Variants in TENM2 observed in about 807,000 individuals in gnomAD.
TENM2 encodes teneurin-2.
A neutral mutation model predicts 245.2 loss-of-function variants in TENM2; 52 were observed. The observed-to-expected ratio is 0.21, with a 90% CI of 0.17 to 0.27. TENM2 has a LOEUF of 0.27. TENM2 is among the 10% of genes least tolerant of loss of function. TENM2 has a pLI of 1.00. For missense variants in TENM2, 3,046 were observed against 3,666.8 expected (o/e 0.83, Z 4.37); for synonymous variants, 1,363 against 1,438.9 (o/e 0.95, Z 1.19).
intron 2 of TENM2, among the ~76,000 whole-genome samples, chr5:167,751,953 TACACAC>T (rs111301552): frequency 4.0e-5 from 6 of 149,668 alleles, no homozygotes; most frequent in South Asian, 2.1e-4. Flanking sequence ...GTGAAAATAA[TACACAC>T]ACACACACAC....
chr5:167,634,174 G>A (rs1582604631), intron 2 of TENM2, among the ~76,000 whole-genome samples: 1 of 152,284 alleles, frequency 6.6e-6, no homozygotes, highest in East Asian at 1.9e-4. Context: ...CATGGCTTTT[G>A]TTTCTGTTTT....
intron 2 of TENM2, among the ~76,000 whole-genome samples, chr5:167,767,978 T>C (rs996893501): frequency 3.9e-5 from 6 of 152,224 alleles, no homozygotes; most frequent in Non-Finnish European, 8.8e-5. Context: ...TGAACTGTCA[T>C]ACAGCAGTCA....
intron 2 of TENM2, among the ~76,000 whole-genome samples, chr5:167,427,650 G>A (rs1475644729): frequency 9.8e-4 from 63 of 64,400 alleles, no homozygotes; most frequent in African/African-American, 1.7e-3. Flanking sequence ...AGGGAAGGAA[G>A]GGACGGGAGG....
chr5:167,060,033 A>G, the TENM2 span, among the ~76,000 whole-genome samples: 2 of 152,194 alleles, frequency 1.3e-5, no homozygotes, highest in African/African-American at 4.8e-5. Flanking sequence ...TAGAATTTCA[A>G]CTTAGAACTT....
chr5:168,196,813 G>A (rs145430417), intron 15 of TENM2, among the ~76,000 whole-genome samples: 2 of 152,324 alleles, frequency 1.3e-5, no homozygotes, highest in African/African-American at 4.8e-5. Flanking sequence ...GAAGTCCCAT[G>A]AAACAACAGA....
Position 168,218,772 on chromosome 5 carries a change from A to G in TENM2, c.4881A>G (p.Glu1627=), listed in dbSNP as rs745306625. Residue 1627 remains glutamate, a synonymous_variant, in exon 23 of 29, where the codon GAA becomes GAG. Coordinates refer to ENST00000518659, the Ensembl canonical transcript of TENM2. This position sits in a 1 kb window ranked among gnomAD's most constrained non-coding sequence, Gnocchi z 5.2. ...ATAGTACTGACAATGATGTCACTGA[A>G]TTGATTGACAATAATGGGAATTCCC... 1 of 1,614,008 alleles carries G rather than the reference A, an allele frequency of 6.2e-7. No individual in the cohort carries two copies. Among genetic ancestry groups the G allele is most frequent in the East Asian group, 2.2e-5 (1 of 44,886 alleles).
chr5:168,195,668 C>G (rs1156895202), intron 15 of TENM2, among the ~76,000 whole-genome samples: 2 of 148,336 alleles, frequency 1.3e-5, no homozygotes, highest in African/African-American at 5.0e-5. Flanking sequence ...AAACGAACTC[C>G]TGTTTTAAAT....
chr5:167,246,918 C>G, the TENM2 span, among the ~76,000 whole-genome samples: 1 of 152,044 alleles, frequency 6.6e-6, no homozygotes, highest in Non-Finnish European at 1.5e-5. Flanking sequence ...CCCGTCTATT[C>G]ATCACCTCAT....
At chr5:168,143,160 A>G (rs969691173) in intron 12 of TENM2, among the ~76,000 whole-genome samples, 8 of 152,120 alleles carry the variant, frequency 5.3e-5, no homozygotes, top group African/African-American at 1.4e-4. Flanking sequence ...TCAGGCTTGA[A>G]CAAGGGATTT....
At chr5:168,160,342 G>A (rs1221814869) in intron 12 of TENM2, among the ~76,000 whole-genome samples, 1 of 152,196 alleles carries the variant, frequency 6.6e-6, no homozygotes, top group African/African-American at 2.4e-5. Flanking sequence ...GGTTTTCCAG[G>A]CAGGACCACA....
chr5:167,868,678 A>G (rs1177224862), intron 2 of TENM2, among the ~76,000 whole-genome samples: 2 of 149,364 alleles, frequency 1.3e-5, no homozygotes, highest in African/African-American at 4.9e-5. Flanking sequence ...CAGAGGTTGC[A>G]GTAGCCAAGA....
intron 7 of TENM2, among the ~76,000 whole-genome samples, chr5:168,065,363 G>A (rs1790404151): frequency 6.6e-6 from 1 of 152,154 alleles, no homozygotes; most frequent in East Asian, 1.9e-4. Flanking sequence ...TGTCCAGAAT[G>A]TAGACTCTGC....
intron 2 of TENM2, among the ~76,000 whole-genome samples, chr5:167,640,872 TATA>T: frequency 2.1e-5 from 1 of 47,174 alleles, no homozygotes; most frequent in South Asian, 6.8e-4. Context: ...TATATATATA[TATA>T]TATATATATA....
the TENM2 span, among the ~76,000 whole-genome samples, chr5:167,165,617 T>C: frequency 6.6e-6 from 1 of 151,930 alleles, no homozygotes; most frequent in Non-Finnish European, 1.5e-5. Context: ...ACAAAAAAAA[T>C]CTTATTCTGA....
chr5:167,843,135 A>ACATAACTG (rs1436803552), intron 2 of TENM2, among the ~76,000 whole-genome samples: 1 of 152,194 alleles, frequency 6.6e-6, no homozygotes, highest in Non-Finnish European at 1.5e-5. Flanking sequence ...GACACTCAAT[A>ACATAACTG]CATAACTGTT....
At chr5:167,550,692 T>TG (rs1772871572) in intron 2 of TENM2, among the ~76,000 whole-genome samples, 1 of 139,016 alleles carries the variant, frequency 7.2e-6, no homozygotes, top group African/African-American at 2.7e-5. Flanking sequence ...TTTTTTTTGT[T>TG]GTTGTTAGTG....
At chr5:167,746,710 A>AGAGAGAGAGCGAGAGAGAGAGAGC (rs761614775) in intron 2 of TENM2, among the ~76,000 whole-genome samples, 2 of 144,862 alleles carry the variant, frequency 1.4e-5, no homozygotes, top group Non-Finnish European at 3.0e-5. Flanking sequence ...AGAGAGAGAG[A>AGAGAGAGAGCGAGAGAGAGAGAGC]GAGAGCTGGA....
At chr5:167,755,238 G>T (rs1382526611) in intron 2 of TENM2, 4 of 1,434,042 alleles carry the variant, frequency 2.8e-6, no homozygotes, top group Non-Finnish European at 3.9e-6. Context: ...GCAAGCACCT[G>T]TCCTCACTGA....
chr5:167,924,677 C>T (rs1777616303), intron 3 of TENM2, among the ~76,000 whole-genome samples: 1 of 152,194 alleles, frequency 6.6e-6, no homozygotes, highest in Non-Finnish European at 1.5e-5. Flanking sequence ...ATTAGAAGCG[C>T]CTGGAGAGCT....
Sources: gnomAD v4.1 joint callset for allele counts (sites outside exome capture counted in the v4.1 genomes callset) on GRCh38, gnomAD v4.1.1 for gene constraint, Gnocchi (gnomAD v3.1) non-coding constraint, MANE v1.5 for transcripts, NCBI Gene and HGNC (gene_info 2026-07-23, HGNC 2026-07-21) for gene names.